PCGF2: variants seen among roughly 807,000 people sequenced by gnomAD.
The protein encoded by PCGF2 is polycomb group RING finger protein 2.
In PCGF2, 8 loss-of-function variants were observed where a neutral mutation model predicts 36.1. The ratio of observed to expected loss-of-function variants is 0.22; its 90% confidence interval spans 0.13 to 0.40. PCGF2 has a LOEUF of 0.40. Ranked by LOEUF, PCGF2 falls within the 10% of genes least tolerant of loss-of-function variation. The pLI is 1.00. For missense variants in PCGF2, 436 were observed against 475.9 expected (o/e 0.92, Z 0.78); for synonymous variants, 198 against 191.2 (o/e 1.04, Z -0.29).
intron 2 of PCGF2, among the ~76,000 whole-genome samples, chr17:38,742,487 C>T (rs1170844927): frequency 1.3e-5 from 2 of 152,178 alleles, no homozygotes; most frequent in African/African-American, 4.8e-5. Flanking sequence ...GGGAGAGACA[C>T]CAGGTTACAG....
At chr17:38,742,707 T>A (rs553222329) in intron 2 of PCGF2, among the ~76,000 whole-genome samples, 72 of 152,322 alleles carry the variant, frequency 4.7e-4, no homozygotes, top group African/African-American at 1.7e-3. Flanking sequence ...ACCCTGTCCC[T>A]GGCAAGATGC....
chr17:38,739,341 TC>T lies in PCGF2; in HGVS notation c.210-89del. The T allele has an allele frequency of 8.2e-7, 1 of 1,223,610 alleles. No individual in the cohort carries two copies. The highest frequency in any genetic ancestry group is 1.2e-6 in the Non-Finnish European group (1 of 831,546). The allele number at this position is 1,223,610 out of a possible 1,614,324, so 75.8% of individuals were successfully genotyped here. On this transcript the variant is annotated intron_variant, in intron 4 of 10. Transcript: ENST00000620225. The surrounding 1 kb of genome is among the most constrained non-coding windows in gnomAD (Gnocchi z 4.0). Reference sequence around the variant, plus strand: ...GCTCTCCCAGCCAGGGTACCCCTCTTCCCACCCCCTTCCTGAGACCGGTGCC... The same window carrying T: ...GCTCTCCCAGCCAGGGTACCCCTCTTCCACCCCCTTCCTGAGACCGGTGCC...
At chr17:38,746,747 T>A (rs1907559000) in intron 2 of PCGF2, 1 of 152,062 alleles carries the variant, frequency 6.6e-6, no homozygotes, top group Admixed American at 6.5e-5. Context: ...TAGCTACACA[T>A]GGTCTGGATC....
At chr17:38,747,067 A>G (rs1907579762) in intron 2 of PCGF2, among the ~76,000 whole-genome samples, 1 of 152,156 alleles carries the variant, frequency 6.6e-6, no homozygotes, top group Admixed American at 6.5e-5. Flanking sequence ...CATGGGGGAC[A>G]CTGAGGGACA....
rs770193210 is a variant in PCGF2 at position 38,735,233 on chromosome 17, G to C, written c.1025C>G (p.Pro342Arg). Residue 342 changes from proline to arginine, a missense_variant, in exon 11 of 11, where the codon CCC (proline) becomes CGC (arginine). Around this residue, in one of 3 missense-constraint regions of PCGF2, gnomAD observed 227 missense variants for 212.9 expected, o/e 1.07. Transcript: ENST00000620225. ...KMTVNGAPVP[P>R]LT is the part of the protein sequence containing the mutation. ...AGAGGGTCCCTGGCCTCAAGTTAAG[G>C]GGGGCACGGGAGCGCCGTTGACAGT... is the stretch of plus-strand genomic sequence containing the variant. 11 of 1,428,530 alleles carry C rather than the reference G, an allele frequency of 7.7e-6. No individual in the cohort carries two copies. In the Admixed American group the frequency reaches 1.4e-4, roughly 18 times the overall value. The allele number at this position is 1,428,530 out of a possible 1,614,324, so 88.5% of individuals were successfully genotyped here.
At position 38,739,295 on chromosome 17, in the gene PCGF2, A is replaced by T; in HGVS notation, c.210-42T>A. ...AGGGCTTATCAGCAATGCCTTCTCCAGAGCGCTCCGACCTCGCCCTGCTCT... is the reference window on the plus strand; with the variant it reads ...AGGGCTTATCAGCAATGCCTTCTCCTGAGCGCTCCGACCTCGCCCTGCTCT... On this transcript the variant is annotated intron_variant, in intron 4 of 10. Transcript: ENST00000620225. The surrounding 1 kb of genome is among the most constrained non-coding windows in gnomAD (Gnocchi z 4.0). 6.3e-7 allele frequency: 1 copy of T among 1,581,504 alleles called. No homozygotes were observed. The highest frequency in any genetic ancestry group is 8.7e-7 in the Non-Finnish European group (1 of 1,151,006).
At chr17:38,749,039 G>C (rs1907747489), upstream of PCGF2, among the ~76,000 whole-genome samples, 1 of 152,142 alleles carries the variant, frequency 6.6e-6, no homozygotes, top group Non-Finnish European at 1.5e-5. The surrounding 1 kb of genome is among the most constrained non-coding windows in gnomAD (Gnocchi z 6.5). Context: ...TCGCCGCGGG[G>C]GGATCGGGTA....
chr17:38,740,585 C>T (rs898124657), intron 2 of PCGF2, 143 bp from the exon 3 acceptor site: 3 of 582,852 alleles, frequency 5.1e-6, no homozygotes, highest in South Asian at 2.1e-5. Context: ...TGGTGAAACC[C>T]CATCTCTACT....
rs774820131 is a variant in PCGF2 at position 38,738,469 on chromosome 17, A to G, written c.481-21T>C. On this transcript the variant is annotated intron_variant, in intron 8 of 10. Coordinates refer to ENST00000620225, the MANE Select transcript of PCGF2 (RefSeq NM_007144.3). ...CCTGTCTGCTGGGGCACAGGCACCC[A>G]TGGTAGGGGATCCACCCCAGGCCAC... 45 of 1,613,696 alleles carry G rather than the reference A, an allele frequency of 2.8e-5. No homozygotes were observed. The East Asian group carries it at 9.6e-4, about 34-fold the overall frequency.
chr17:38,735,155 A>C lies in PCGF2; in HGVS notation c.*68T>G. The C allele has an allele frequency of 1.8e-5, 21 of 1,190,396 alleles. No individual in the cohort carries two copies. Among genetic ancestry groups the C allele is most frequent in the Non-Finnish European group, 1.7e-5 (16 of 917,356 alleles). The allele number at this position is 1,190,396 out of a possible 1,614,324, so 73.7% of individuals were successfully genotyped here. ...AGCTGGGGAAAGTAGAAGAGGTGGAAAAAAGGGCCCAGAAAAAGTGGAAGG... is the reference window on the plus strand; with the variant it reads ...AGCTGGGGAAAGTAGAAGAGGTGGACAAAAGGGCCCAGAAAAAGTGGAAGG... On this transcript the variant is annotated 3_prime_UTR_variant, in exon 11 of 11. Transcript: ENST00000620225.
chr17:38,735,891 G>A (rs1023175652), intron 10 of PCGF2, among the ~76,000 whole-genome samples, 199 bp downstream of exon 10: 4 of 152,212 alleles, frequency 2.6e-5, no homozygotes, highest in African/African-American at 7.2e-5. Flanking sequence ...TCTGCCCAGG[G>A]AGCCTTGTCT....
chr17:38,744,411 A>C (rs2143141084), intron 2 of PCGF2, among the ~76,000 whole-genome samples: 1 of 151,638 alleles, frequency 6.6e-6, no homozygotes, highest in East Asian at 1.9e-4. Flanking sequence ...GCTGGAGTGC[A>C]GTGGCAAGAT....
At chr17:38,742,970 C>T (rs1280919721) in intron 2 of PCGF2, among the ~76,000 whole-genome samples, 1 of 152,186 alleles carries the variant, frequency 6.6e-6, no homozygotes, top group African/African-American at 2.4e-5. Context: ...CATCTATCTC[C>T]CGTTCACCCT....
upstream of PCGF2, chr17:38,749,722 T>C (rs1907794763): frequency 2.2e-6 from 1 of 454,968 alleles, no homozygotes; most frequent in African/African-American, 2.0e-5. The surrounding 1 kb of genome is among the most constrained non-coding windows in gnomAD (Gnocchi z 6.5). Flanking sequence ...GCCGCGAAGC[T>C]GGGGGCCTCG....
rs1467246915 is a variant in PCGF2 at position 38,739,752 on chromosome 17, C to G, written c.113-70G>C. On this transcript the variant is annotated intron_variant, in intron 3 of 10. Coordinates refer to ENST00000620225, the MANE Select transcript of PCGF2 (RefSeq NM_007144.3). The surrounding 1 kb of genome is among the most constrained non-coding windows in gnomAD (Gnocchi z 4.0). ...ACTCCAGGACCAGCCTCCCCGCCCTCTGCTCAGACTCAGATATCCCTCCTC... is the reference window on the plus strand; with the variant it reads ...ACTCCAGGACCAGCCTCCCCGCCCTGTGCTCAGACTCAGATATCCCTCCTC... The G allele has an allele frequency of 1.8e-6, 2 of 1,115,172 alleles. No homozygotes were observed. Among genetic ancestry groups the G allele is most frequent in the African/African-American group, 3.1e-5 (2 of 65,336 alleles). The allele number at this position is 1,115,172 out of a possible 1,614,324, so 69.1% of individuals were successfully genotyped here. A position where few individuals can be genotyped will look rare whatever the true frequency, so the allele number is the denominator to read the frequency against.
chr17:38,734,992 A>G lies in PCGF2; in HGVS notation c.*231T>C. On this transcript the variant is annotated 3_prime_UTR_variant, in exon 11 of 11. Coordinates refer to ENST00000620225, the MANE Select transcript of PCGF2 (RefSeq NM_007144.3). The stretch of plus-strand genomic sequence containing the variant: ...CACCATTTTCCACACATACACACAC[A>G]CATAAAGTTTGTTTCCTGTGGCATT... 1 of 362,954 alleles carries G rather than the reference A, an allele frequency of 2.8e-6. No individual in the cohort carries two copies. The highest frequency in any genetic ancestry group is 4.9e-6 in the Non-Finnish European group (1 of 204,250). 22.5% of individuals were successfully genotyped at this position (362,954 alleles called of 1,614,324 possible).
upstream of PCGF2, chr17:38,749,349 G>T: frequency 4.2e-6 from 1 of 240,396 alleles, no homozygotes; most frequent in Non-Finnish European, 8.8e-6. The surrounding 1 kb of genome is among the most constrained non-coding windows in gnomAD (Gnocchi z 6.5). Context: ...TCCCACTGGC[G>T]CCCCGGCTCC....
upstream of PCGF2, chr17:38,749,520 C>T: frequency 2.4e-6 from 1 of 410,944 alleles, no homozygotes; most frequent in Non-Finnish European, 5.2e-6. This position sits in a 1 kb window ranked among gnomAD's most constrained non-coding sequence, Gnocchi z 6.5. Flanking sequence ...GGTCGATTCC[C>T]TCATTCGTTA....
chr17:38,737,665 C>T (rs1001175740), intron 9 of PCGF2, among the ~76,000 whole-genome samples: 1 of 151,752 alleles, frequency 6.6e-6, no homozygotes, highest in African/African-American at 2.4e-5. Context: ...GTAATCCCAG[C>T]ACTTTGGGAG....
Sources: gnomAD v4.1 joint callset for allele counts (sites outside exome capture counted in the v4.1 genomes callset) on GRCh38, gnomAD v4.1.1 for gene constraint, gnomAD v4.1.1 regional missense constraint, Gnocchi (gnomAD v3.1) non-coding constraint, MANE v1.5 for transcripts, NCBI Gene and HGNC (gene_info 2026-07-23, HGNC 2026-07-21) for gene names.